PHC3: variants seen among roughly 807,000 people sequenced by gnomAD.
The protein encoded by PHC3 is polyhomeotic-like protein 3.
PHC3 carries 13 observed loss-of-function variants against 107.4 expected under a neutral mutation model. That is an observed-to-expected ratio of 0.12 (90% CI 0.08 to 0.19). The LOEUF (loss-of-function observed/expected upper bound fraction) is 0.19, where lower values mean the gene tolerates loss of function less well. Ranked by LOEUF, PHC3 falls within the 10% of genes least tolerant of loss-of-function variation. PHC3 has a pLI of 1.00. For missense variants in PHC3, 992 were observed against 1,210.9 expected, an observed-to-expected ratio of 0.82 and a Z score of 2.68; for synonymous variants, 456 against 427.4, an observed-to-expected ratio of 1.07 and a Z score of -0.83.
At position 170,173,582 on chromosome 3, in the gene PHC3, G is replaced by C. The variant is rs1479644106; in HGVS notation, c.181-870C>G. On this transcript the variant is annotated intron_variant, in intron 2 of 14. Coordinates refer to ENST00000495893, the MANE Select transcript of PHC3 (RefSeq NM_024947.4). Reference sequence around the variant, plus strand: ...TTAAAATGTGGTTAGTGCAACTAAAGAATTGAGTTAATTTTAAATTGAATT... The same window carrying C: ...TTAAAATGTGGTTAGTGCAACTAAACAATTGAGTTAATTTTAAATTGAATT... 3.3e-5 allele frequency among the ~76,000 whole-genome samples: 5 copies of C among 152,272 alleles called. No individual in the cohort carries two copies. The East Asian group carries it at 9.6e-4, about 29-fold the overall frequency.
chr3:170,175,955 C>T (rs1427193319), intron 2 of PHC3, among the ~76,000 whole-genome samples: 3 of 148,718 alleles, frequency 2.0e-5, no homozygotes, highest in Non-Finnish European at 4.5e-5. Flanking sequence ...CGGCCGGGCA[C>T]GGTAGCTCAT....
At chr3:170,136,700 C>A in intron 6 of PHC3, 35 bp from the exon 7 acceptor site, 1 of 1,601,686 alleles carries the variant, frequency 6.2e-7, no homozygotes, top group Non-Finnish European at 8.5e-7. Flanking sequence ...AGGATGAAAA[C>A]AGATGGTTTT....
At chr3:170,181,585 A>T in intron 1 of PHC3, 117 bp downstream of exon 1, 1 of 1,468,608 alleles carries the variant, frequency 6.8e-7, no homozygotes, top group Non-Finnish European at 9.4e-7. Flanking sequence ...ACGGGTCTCG[A>T]GTCTCTCTTT....
intron 4 of PHC3, among the ~76,000 whole-genome samples, chr3:170,153,963 C>T (rs1428767425): frequency 2.0e-5 from 3 of 152,094 alleles, no homozygotes; most frequent in Non-Finnish European, 1.5e-5. Context: ...CATGTCCCAG[C>T]CCATCTGCAG....
At chr3:170,167,924 T>C (rs1023528399) in intron 4 of PHC3, among the ~76,000 whole-genome samples, 6 of 151,838 alleles carry the variant, frequency 4.0e-5, no homozygotes, top group Non-Finnish European at 8.8e-5. Flanking sequence ...TTGTGACCTG[T>C]GGTTGGAGGA....
intron 4 of PHC3, chr3:170,170,344 T>C (rs1427438006): frequency 1.3e-5 from 2 of 148,686 alleles, no homozygotes; most frequent in African/African-American, 5.1e-5. Flanking sequence ...GTTGTCACAC[T>C]AGAGGAAGGA....
chr3:170,150,243 T>C (rs1406549321), intron 4 of PHC3, among the ~76,000 whole-genome samples: 1 of 152,036 alleles, frequency 6.6e-6, no homozygotes, highest in Admixed American at 6.6e-5. Context: ...TTCACATATA[T>C]AAAGACATAC....
At chr3:170,166,297 G>C (rs775443758) in intron 4 of PHC3, among the ~76,000 whole-genome samples, 1 of 152,130 alleles carries the variant, frequency 6.6e-6, no homozygotes, top group African/African-American at 2.4e-5. Context: ...ACCTACCTCA[G>C]CCTCCCAAAA....
intron 7 of PHC3, among the ~76,000 whole-genome samples, chr3:170,136,038 CTGA>C (rs1450886019): frequency 6.6e-6 from 1 of 152,126 alleles, no homozygotes; most frequent in Non-Finnish European, 1.5e-5. Context: ...ATTTCTCCCA[CTGA>C]TAACAACTTT....
intron 9 of PHC3, among the ~76,000 whole-genome samples, chr3:170,122,069 G>A (rs987328264): frequency 2.0e-5 from 3 of 151,964 alleles, no homozygotes; most frequent in Non-Finnish European, 2.9e-5. Context: ...CCTGGGCAAC[G>A]GGATGAGACC....
At chr3:170,152,337 A>ATTTTTTTTTTTTTT (rs1220193435) in intron 4 of PHC3, among the ~76,000 whole-genome samples, 5 of 122,164 alleles carry the variant, frequency 4.1e-5, no homozygotes, top group African/African-American at 1.6e-4. Flanking sequence ...CGCCTGGCTA[A>ATTTTTTTTTTTTTT]TTTTTTTTTT....
Position 170,102,881 on chromosome 3 carries a change from G to C in PHC3, c.2522C>G (p.Pro841Arg). 1 of 1,613,710 alleles carries C rather than the reference G, an allele frequency of 6.2e-7. No homozygotes were observed. Among genetic ancestry groups the C allele is most frequent in the Non-Finnish European group, 8.5e-7 (1 of 1,179,748 alleles). ...ACGATGCCCAAGACTTTGATTATCA[G>C]GCTTACGATTCCAACGACTAAGTGC... ...KFALSRWNRKPDNQSLGHRGR... is the reference protein window; with the variant it reads ...KFALSRWNRKRDNQSLGHRGR... Residue 841 changes from proline (P) to arginine (R), a missense_variant, in exon 13 of 15, where the codon CCT becomes CGT. Pro to Arg is a moderately radical substitution (Grantham distance 103). Transcript: ENST00000495893.
chr3:170,167,499 C>T (rs1327844694), intron 4 of PHC3, among the ~76,000 whole-genome samples: 1 of 152,206 alleles, frequency 6.6e-6, no homozygotes, highest in Non-Finnish European at 1.5e-5. Flanking sequence ...GTAGTTCACA[C>T]TTGTAATCCC....
rs887317153 is a variant in PHC3 at position 170,096,269 on chromosome 3, C to T, written c.*961G>A. The T allele has an allele frequency of 9.2e-5, 14 of 152,040 alleles. No individual in the cohort carries two copies. The highest frequency in any genetic ancestry group is 3.4e-4 in the African/African-American group (14 of 41,382). The allele number at this position is 152,040 out of a possible 1,614,324, so 9.4% of individuals were successfully genotyped here. A position where few individuals can be genotyped will look rare whatever the true frequency, so the allele number is the denominator to read the frequency against. On this transcript the variant is annotated 3_prime_UTR_variant, in exon 15 of 15. Coordinates refer to ENST00000495893, the MANE Select transcript of PHC3 (RefSeq NM_024947.4). ...AATGTTATCTGAATAATACTTCCATCATATATGTTTAGTAAGCTTCATCCT... is the reference window on the plus strand; with the variant it reads ...AATGTTATCTGAATAATACTTCCATTATATATGTTTAGTAAGCTTCATCCT...
intron 3 of PHC3, among the ~76,000 whole-genome samples, chr3:170,172,152 GA>G (rs1729694486): frequency 6.6e-6 from 1 of 152,042 alleles, no homozygotes; most frequent in Non-Finnish European, 1.5e-5. Context: ...CAGGGAAAAG[GA>G]ACAGCTTTAC....
chr3:170,115,464 T>C (rs374351447), intron 10 of PHC3, among the ~76,000 whole-genome samples: 71 of 152,254 alleles, frequency 4.7e-4, no homozygotes, highest in African/African-American at 1.4e-3. Flanking sequence ...CCACAATACA[T>C]ATGTATACAC....
chr3:170,155,501 G>A (rs146446504), intron 4 of PHC3, among the ~76,000 whole-genome samples: 1,631 of 152,230 alleles, frequency 0.011, 32 homozygotes, highest in African/African-American at 0.037. Context: ...CAGGTGGATA[G>A]CTTGAGCTCA....
intron 9 of PHC3, among the ~76,000 whole-genome samples, chr3:170,117,953 C>CA (rs1398192629): frequency 6.6e-6 from 1 of 152,072 alleles, no homozygotes; most frequent in East Asian, 1.9e-4. Flanking sequence ...GCGGAGGCTG[C>CA]AGTGAGCCAA....
chr3:170,141,398 C>A (rs191560448), intron 6 of PHC3, among the ~76,000 whole-genome samples: 1 of 152,250 alleles, frequency 6.6e-6, no homozygotes, highest in African/African-American at 2.4e-5. Flanking sequence ...CACAGAGGCT[C>A]ATAATTAGAA....
Sources: gnomAD v4.1 joint callset for allele counts (sites outside exome capture counted in the v4.1 genomes callset) on GRCh38, gnomAD v4.1.1 for gene constraint, MANE v1.5 for transcripts, NCBI Gene and HGNC (gene_info 2026-07-23, HGNC 2026-07-21) for gene names.